PTPRT: variants seen among roughly 807,000 people sequenced by gnomAD.
The protein encoded by PTPRT is receptor-type tyrosine-protein phosphatase T.
PTPRT carries 56 observed loss-of-function variants against 176.8 expected under a neutral mutation model. The ratio of observed to expected loss-of-function variants is 0.32; its 90% CI spans 0.26 to 0.40. The LOEUF is 0.40. Among genes scored for constraint, PTPRT ranks in the 10% least tolerant of loss-of-function variants. PTPRT has a pLI of 1.00. For missense variants in PTPRT, 1,540 were observed against 1,908.2 expected (o/e 0.81, Z 3.60); for synonymous variants, 783 against 739.0 (o/e 1.06, Z -0.96).
chr20:42,051,429 T>G, the PTPRT span, among the ~76,000 whole-genome samples: 2 of 152,278 alleles, frequency 1.3e-5, no homozygotes, highest in East Asian at 3.9e-4. Flanking sequence ...GGAAAAGAAT[T>G]GTGAGAGTTC....
intron 9 of PTPRT, among the ~76,000 whole-genome samples, chr20:42,374,778 T>A (rs1325334156): frequency 1.3e-5 from 2 of 152,202 alleles, no homozygotes; most frequent in African/African-American, 4.8e-5. Flanking sequence ...TACAGAGTGT[T>A]GCTGGAGTGA....
intron 25 of PTPRT, among the ~76,000 whole-genome samples, chr20:42,102,836 CTG>C (rs1284600646): frequency 6.6e-6 from 1 of 152,192 alleles, no homozygotes; most frequent in Non-Finnish European, 1.5e-5. Context: ...TGGGAAATTG[CTG>C]TGTTTGGACT....
At chr20:42,727,055 A>G (rs554506261) in intron 6 of PTPRT, among the ~76,000 whole-genome samples, 2 of 152,328 alleles carry the variant, frequency 1.3e-5, no homozygotes, top group Admixed American at 1.3e-4. Context: ...CTGAGGTACC[A>G]GAGTATCTCT....
intron 7 of PTPRT, among the ~76,000 whole-genome samples, chr20:42,503,389 A>C (rs2071789851): frequency 6.6e-6 from 1 of 152,066 alleles, no homozygotes; most frequent in Non-Finnish European, 1.5e-5. Context: ...TGATCATTCA[A>C]TTCTAAATAG....
chr20:42,683,156 G>A (rs956624394), intron 6 of PTPRT, among the ~76,000 whole-genome samples: 2 of 152,082 alleles, frequency 1.3e-5, no homozygotes, highest in African/African-American at 4.8e-5. Flanking sequence ...CCCAACCCTA[G>A]CCACCAACAC....
intron 2 of PTPRT, among the ~76,000 whole-genome samples, chr20:42,794,125 A>T (rs1327667617): frequency 6.6e-6 from 1 of 152,088 alleles, no homozygotes; most frequent in Non-Finnish European, 1.5e-5. Flanking sequence ...GGAGGTAGAG[A>T]TTGCCCTGTT....
intron 15 of PTPRT, among the ~76,000 whole-genome samples, chr20:42,199,957 C>A (rs1168981839): frequency 2.0e-5 from 3 of 151,936 alleles, no homozygotes; most frequent in South Asian, 2.1e-4. Context: ...CCCTCAGAAC[C>A]AGACGGATAT....
chr20:43,030,642 C>T (rs537263252), intron 1 of PTPRT, among the ~76,000 whole-genome samples: 1 of 151,998 alleles, frequency 6.6e-6, no homozygotes. Flanking sequence ...TTGAGAATAC[C>T]GAAAGGCCAT....
At chr20:42,704,506 ACCTCCATG>A (rs1025881993) in intron 6 of PTPRT, among the ~76,000 whole-genome samples, 2 of 151,364 alleles carry the variant, frequency 1.3e-5, no homozygotes, top group African/African-American at 4.9e-5. Flanking sequence ...TATTGAGTCC[ACCTCCATG>A]TCATGCATGC....
chr20:42,253,171 T>C (rs762138255), intron 13 of PTPRT, among the ~76,000 whole-genome samples: 30 of 152,022 alleles, frequency 2.0e-4, no homozygotes, highest in Non-Finnish European at 3.5e-4. Context: ...CAGAGTCAGG[T>C]GTGGCCACAG....
intron 7 of PTPRT, among the ~76,000 whole-genome samples, chr20:42,656,231 C>A (rs1047942629): frequency 1.3e-5 from 2 of 151,956 alleles, no homozygotes; most frequent in African/African-American, 2.4e-5. Context: ...GATAGGAAAG[C>A]CCTAAGGAAA....
rs1884039 is a variant in PTPRT at position 42,077,597 on chromosome 20, T to C, written c.*3282A>G. ...GGAAAATGTTCAAATTCCTGGGCAC[T>C]GGTGCCCCATCTCATCCAAGCCTTG... On this transcript the variant is annotated 3_prime_UTR_variant, in exon 31 of 31. Transcript: ENST00000373187. 0.77 allele frequency: 168,058 copies of C among 218,834 alleles called. 64,696 individuals are homozygous for C. The highest frequency in any genetic ancestry group is 0.86 in the South Asian group (4,659 of 5,412). 13.6% of individuals were successfully genotyped at this position (218,834 alleles called of 1,614,324 possible). A position where few individuals can be genotyped will look rare whatever the true frequency, so the allele number is the denominator to read the frequency against.
chr20:42,281,578 T>C (rs1187325266), intron 13 of PTPRT, among the ~76,000 whole-genome samples: 4 of 152,214 alleles, frequency 2.6e-5, no homozygotes, highest in African/African-American at 9.6e-5. Flanking sequence ...TGCATGTGTC[T>C]ATATATTTAC....
chr20:43,090,970 C>T (rs558159922), intron 1 of PTPRT, among the ~76,000 whole-genome samples: 2 of 152,312 alleles, frequency 1.3e-5, no homozygotes, highest in South Asian at 4.2e-4. Flanking sequence ...GTGGCTCACG[C>T]CTGTAATCCC....
chr20:43,181,199 C>T (rs1039182558), intron 1 of PTPRT, among the ~76,000 whole-genome samples: 2 of 152,170 alleles, frequency 1.3e-5, no homozygotes, highest in African/African-American at 4.8e-5. Flanking sequence ...TGGAAGCAGA[C>T]CCTTCCCCAT....
intron 19 of PTPRT, among the ~76,000 whole-genome samples, chr20:42,126,058 A>G (rs1987843793): frequency 6.6e-6 from 1 of 151,828 alleles, no homozygotes; most frequent in Non-Finnish European, 1.5e-5. Flanking sequence ...AAGAGTGCTA[A>G]ACTGGGAGCC....
chr20:42,583,354 A>C (rs2073412219), intron 7 of PTPRT, among the ~76,000 whole-genome samples: 1 of 152,148 alleles, frequency 6.6e-6, no homozygotes, highest in Admixed American at 6.5e-5. Context: ...TTCTTCATTA[A>C]CTGTCAGGGG....
At chr20:42,387,880 C>G (rs1365642478) in intron 9 of PTPRT, among the ~76,000 whole-genome samples, 1 of 151,878 alleles carries the variant, frequency 6.6e-6, no homozygotes, top group Non-Finnish European at 1.5e-5. Flanking sequence ...AAACCCCTAC[C>G]TCCTGGGTTC....
At chr20:42,729,275 C>T (rs1334636712) in intron 6 of PTPRT, among the ~76,000 whole-genome samples, 1 of 151,884 alleles carries the variant, frequency 6.6e-6, no homozygotes, top group East Asian at 1.9e-4. Context: ...CCAGGGGGGT[C>T]GGTCTAGCGG....
Sources: gnomAD v4.1 joint callset for allele counts (sites outside exome capture counted in the v4.1 genomes callset) on GRCh38, gnomAD v4.1.1 for gene constraint, MANE v1.5 for transcripts, NCBI Gene and HGNC (gene_info 2026-07-23, HGNC 2026-07-21) for gene names.